MLIP: variants seen among roughly 807,000 people sequenced by gnomAD.
MLIP encodes muscular LMNA interacting protein.
MLIP carries 79 observed loss-of-function variants against 84.8 expected under a neutral mutation model. That is an observed-to-expected ratio of 0.93 (90% CI 0.78 to 1.12). The LOEUF (loss-of-function observed/expected upper bound fraction) is 1.12. Among genes scored for constraint, MLIP ranks in the 50% most tolerant of loss-of-function variants. MLIP has a pLI of 0.00. For missense variants in MLIP, 1,257 were observed against 1,160.6 expected (o/e 1.08, Z -1.21); for synonymous variants, 504 against 463.0 (o/e 1.09, Z -1.14).
Position 54,215,347 on chromosome 6 carries a change from T to TGG in MLIP, c.2718+13114_2718+13115insGG, listed in dbSNP as rs1442485758. On this transcript the variant is annotated intron_variant, in intron 11 of 13. Coordinates refer to ENST00000502396, the MANE Select transcript of MLIP (RefSeq NM_001281747.2). ...TGAAAAAATCAGTCCTTACTGAACT[T>TGG]CAATTTTATCCTACAAAAATGGGGC... 3.8e-6 allele frequency: 5 copies of TGG among 1,317,478 alleles called. No individual in the cohort carries two copies. In the African/African-American group the frequency reaches 7.5e-5, roughly 20 times the overall value. 81.6% of individuals were successfully genotyped at this position (1,317,478 alleles called of 1,614,324 possible).
chr6:54,144,199 T>A (rs1270509576), intron 4 of MLIP, among the ~76,000 whole-genome samples: 14 of 152,150 alleles, frequency 9.2e-5, no homozygotes, highest in Admixed American at 6.5e-4. Context: ...TGAGCTTTCA[T>A]CTCAGGACTG....
intron 1 of MLIP, among the ~76,000 whole-genome samples, chr6:54,038,981 G>A (rs567763035): frequency 7.3e-4 from 111 of 151,890 alleles, no homozygotes; most frequent in African/African-American, 2.5e-3. Context: ...TTTAATAGAC[G>A]TAGAGTTTAC....
chr6:54,261,398 G>A (rs1490791319), intron 13 of MLIP, among the ~76,000 whole-genome samples: 1 of 151,952 alleles, frequency 6.6e-6, no homozygotes, highest in African/African-American at 2.4e-5. Context: ...GATGCATTTG[G>A]TTCTGACCTT....
chr6:54,257,287 C>G, intron 12 of MLIP, 21 bp from the exon 13 acceptor site: 2 of 1,599,682 alleles, frequency 1.3e-6, no homozygotes, highest in Non-Finnish European at 1.7e-6. Context: ...TGATCATATC[C>G]TGGGCATCTT....
At chr6:54,264,020 C>T (rs946696260) in intron 13 of MLIP, among the ~76,000 whole-genome samples, 11 of 152,030 alleles carry the variant, frequency 7.2e-5, no homozygotes, top group African/African-American at 2.4e-4. Context: ...GTGTCTAAAA[C>T]GATGGCTGTA....
intron 10 of MLIP, among the ~76,000 whole-genome samples, chr6:54,193,137 A>C (rs2150686331): frequency 1.3e-5 from 2 of 152,346 alleles, no homozygotes; most frequent in Middle Eastern, 6.8e-3. Context: ...GATTTAGAGG[A>C]GCTTGGGAGA....
rs757893043 is a variant in MLIP at position 54,124,522 on chromosome 6, G to C, written c.302G>C (p.Arg101Thr). 6 of 1,614,048 alleles carry C rather than the reference G, an allele frequency of 3.7e-6. No homozygotes were observed. The African/African-American group carries it at 8.0e-5, about 22-fold the overall frequency. Residue 101 changes from arginine (R) to threonine (T), a missense_variant, in exon 3 of 14, where the codon AGA becomes ACA. Arg to Thr is a moderately conservative substitution (Grantham distance 71). Coordinates refer to ENST00000502396, the MANE Select transcript of MLIP (RefSeq NM_001281747.2). The part of the protein sequence containing the change: ...LTLNAGSQQE[R>T]DQAKLTCPSE... ...TTGAATGCTGGGAGCCAACAAGAGA[G>C]AGACCAAGCGAAATTGACTTGTCCT... is the stretch of plus-strand genomic sequence containing the variant.
intron 1 of MLIP, among the ~76,000 whole-genome samples, chr6:54,065,743 A>C (rs9382282): frequency 0.2 from 19,658 of 98,002 alleles, 6,368 homozygotes; most frequent in East Asian, 0.63. Context: ...CTGGAGCATC[A>C]CCCTAGGCCA....
chr6:54,153,752 T>A (rs1773714945), intron 5 of MLIP, among the ~76,000 whole-genome samples: 1 of 148,726 alleles, frequency 6.7e-6, no homozygotes, highest in Non-Finnish European at 1.5e-5. Flanking sequence ...CTCCAGGGGC[T>A]GAGGAAGGAG....
chr6:54,136,833 T>C lies in MLIP; in HGVS notation c.764T>C (p.Val255Ala). The C allele has an allele frequency of 6.5e-7, 1 of 1,534,946 alleles. No individual in the cohort carries two copies. Among genetic ancestry groups the C allele is most frequent in the Non-Finnish European group, 8.7e-7 (1 of 1,145,956 alleles). ...CCAGTTAACCTCGAGGGAGCCTCTGTCCTAGAGGAGTTCCACACTAGGAGG... is the reference window on the plus strand; with the variant it reads ...CCAGTTAACCTCGAGGGAGCCTCTGCCCTAGAGGAGTTCCACACTAGGAGG... ...PDPVNLEGAS[V>A]LEEFHTRRLD... Residue 255 changes from valine (V) to alanine (A), a missense_variant, in exon 4 of 14, where the codon GTC becomes GCC. Physicochemically the swap from Val to Ala is moderately conservative, Grantham distance 64 (BLOSUM62 0). Coordinates refer to ENST00000502396, the MANE Select transcript of MLIP (RefSeq NM_001281747.2).
rs574132725 is a variant in MLIP, at chr6:54,040,663, C to T, written c.63+21572C>T. 2.6e-5 allele frequency among the ~76,000 whole-genome samples: 4 copies of T among 152,122 alleles called. No homozygotes were observed. In the South Asian group the frequency reaches 8.3e-4, roughly 32 times the overall value. ...ATAATAACAAATACATAGAATCAAC[C>T]TAGGTGCCTATCAGTGGTGGATTAG... On this transcript the variant is annotated intron_variant, in intron 1 of 12. Transcript: ENST00000274897.
intron 5 of MLIP, among the ~76,000 whole-genome samples, chr6:54,157,729 T>A (rs1478075726): frequency 6.6e-6 from 1 of 152,064 alleles, no homozygotes; most frequent in Admixed American, 6.6e-5. Context: ...TGAAACACCA[T>A]GCCAGGAAAA....
chr6:54,185,984 C>T (rs940981953), intron 9 of MLIP, among the ~76,000 whole-genome samples: 3 of 152,144 alleles, frequency 2.0e-5, no homozygotes, highest in African/African-American at 7.2e-5. Flanking sequence ...CCAAGACACC[C>T]TACTGCCATC....
chr6:54,163,344 T>C (rs908247159), intron 8 of MLIP, among the ~76,000 whole-genome samples: 1 of 151,944 alleles, frequency 6.6e-6, no homozygotes, highest in Non-Finnish European at 1.5e-5. Flanking sequence ...TACCAGGGAC[T>C]TTAAGCCATT....
Position 54,068,036 on chromosome 6 carries a change from T to C in MLIP, c.63+48945T>C, listed in dbSNP as rs770474951. On this transcript the variant is annotated intron_variant, in intron 1 of 12. Coordinates refer to the MLIP transcript ENST00000274897. ...AGCTCCTTCCTTCCTTCCTTCCTTT[T>C]TTCTTTCCTTCCTTCCTTCCTTCCT... Among the ~76,000 whole-genome samples the C allele has an allele frequency of 7.1e-4, 12 of 16,790 alleles. 3 individuals are homozygous for C. The East Asian group carries it at 9.6e-3, about 13-fold the overall frequency. The allele number at this position is 16,790 out of a possible 152,430, so 11.0% of individuals were successfully genotyped here. A position where few individuals can be genotyped will look rare whatever the true frequency, so the allele number is the denominator to read the frequency against.
At chr6:54,086,520 G>C (rs113735953) in intron 1 of MLIP, among the ~76,000 whole-genome samples, 1 of 152,302 alleles carries the variant, frequency 6.6e-6, no homozygotes, top group East Asian at 1.9e-4. Context: ...TGCTTAATAT[G>C]CTCATTGCTA....
At chr6:54,132,219 T>C (rs990834858) in intron 3 of MLIP, among the ~76,000 whole-genome samples, 1 of 152,226 alleles carries the variant, frequency 6.6e-6, no homozygotes, top group African/African-American at 2.4e-5. Context: ...GAATTGTGGG[T>C]ACTTTCACTA....
chr6:54,146,877 A>C (rs1321885), intron 4 of MLIP, among the ~76,000 whole-genome samples: 57,750 of 152,022 alleles, frequency 0.38, 13,128 homozygotes, highest in African/African-American at 0.64. Flanking sequence ...AGTTGTTGGG[A>C]TAAAGTGCCT....
chr6:54,164,244 T>C (rs1774954095), intron 8 of MLIP, among the ~76,000 whole-genome samples: 1 of 152,028 alleles, frequency 6.6e-6, no homozygotes, highest in Non-Finnish European at 1.5e-5. Flanking sequence ...TACAAATATT[T>C]ATTCCCACAT....
Sources: gnomAD v4.1 joint callset for allele counts (sites outside exome capture counted in the v4.1 genomes callset) on GRCh38, gnomAD v4.1.1 for gene constraint, MANE v1.5 for transcripts, NCBI Gene and HGNC (gene_info 2026-07-23, HGNC 2026-07-21) for gene names.